RIC1: variants seen among roughly 807,000 people sequenced by gnomAD.
The protein encoded by RIC1 is RIC1 partner of RAB6A GEF complex.
RIC1 carries 88 observed loss-of-function variants against 169.0 expected under a neutral mutation model. That is an observed-to-expected ratio of 0.52 (90% CI 0.44 to 0.62). The LOEUF is 0.62. Ranked by LOEUF, RIC1 falls within the 20% of genes least tolerant of loss-of-function variation. The pLI, the probability that RIC1 is intolerant of heterozygous loss-of-function variation, is 0.00. For synonymous variants in RIC1, 790 were observed against 601.5 expected, an observed-to-expected ratio of 1.31 and a Z score of -4.59; for missense variants, 1,877 against 1,725.5, an observed-to-expected ratio of 1.09 and a Z score of -1.56.
intron 1 of RIC1, among the ~76,000 whole-genome samples, chr9:5,648,018 T>C (rs2130376207): frequency 6.6e-6 from 1 of 151,784 alleles, no homozygotes; most frequent in South Asian, 2.1e-4. Flanking sequence ...TTTCTTGCTC[T>C]GTTGCCCAGG....
intron 17 of RIC1, among the ~76,000 whole-genome samples, chr9:5,762,015 T>C (rs924585242): frequency 6.6e-6 from 1 of 152,190 alleles, no homozygotes; most frequent in African/African-American, 2.4e-5. Flanking sequence ...TTCCTGCTGC[T>C]CTTTTACCTG....
chr9:5,720,774 G>A, intron 6 of RIC1, 24 bp downstream of exon 6: 1 of 1,553,530 alleles, frequency 6.4e-7, no homozygotes, highest in Non-Finnish European at 8.7e-7. Context: ...ACTTTGAAGG[G>A]TTTTTTGTTA....
downstream of RIC1, among the ~76,000 whole-genome samples, chr9:5,778,402 G>T (rs540975856): frequency 6.4e-4 from 98 of 152,214 alleles, no homozygotes; most frequent in Non-Finnish European, 1.2e-3. Context: ...CCTGCCAAAC[G>T]GTCCTGGCTA....
intron 2 of RIC1, among the ~76,000 whole-genome samples, chr9:5,671,268 A>T (rs907964299): frequency 1.1e-4 from 16 of 148,380 alleles, no homozygotes; most frequent in East Asian, 7.8e-4. Flanking sequence ...TATTATTATT[A>T]TTATTATTTT....
At chr9:5,696,630 A>G (rs1821923694) in intron 3 of RIC1, among the ~76,000 whole-genome samples, 2 of 152,338 alleles carry the variant, frequency 1.3e-5, no homozygotes, top group South Asian at 4.1e-4. Flanking sequence ...AGAGATCTAT[A>G]AAGATAAAAA....
At position 5,745,926 on chromosome 9, in the gene RIC1, C is replaced by CT. The variant is rs1294706282; in HGVS notation, c.1096-4dup. ...ACTTTTTTTCTCCCTCCTCTTCTCT[C>CT]TAAGAGCTGGGGTGCAGAAGGCTAT... On this transcript the variant is annotated splice_polypyrimidine_tract_variant and splice_region_variant and intron_variant, in intron 10 of 25. Coordinates refer to ENST00000414202, the MANE Select transcript of RIC1 (RefSeq NM_020829.4). 3 of 1,610,546 alleles carry CT rather than the reference C, an allele frequency of 1.9e-6. No homozygotes were observed. Among genetic ancestry groups the CT allele is most frequent in the South Asian group, 1.1e-5 (1 of 90,806 alleles).
At chr9:5,768,941 C>T (rs199509526) in intron 21 of RIC1, 29 bp from the exon 22 acceptor site, 1 of 1,579,674 alleles carries the variant, frequency 6.3e-7, no homozygotes, top group Non-Finnish European at 8.6e-7. Context: ...AAAGATTATT[C>T]TGTAGCTTTC....
chr9:5,727,620 C>G (rs1424933052), intron 6 of RIC1, among the ~76,000 whole-genome samples: 1 of 152,216 alleles, frequency 6.6e-6, no homozygotes, highest in East Asian at 1.9e-4. Flanking sequence ...TGAAGAGGTG[C>G]TCTGATTTTT....
intron 7 of RIC1, among the ~76,000 whole-genome samples, chr9:5,735,175 C>G (rs1824624249): frequency 6.6e-6 from 1 of 151,678 alleles, no homozygotes; most frequent in Admixed American, 6.6e-5. Flanking sequence ...TATAGAATAT[C>G]CTGCATCCTA....
At chr9:5,756,136 CA>C (rs1266833199) in intron 15 of RIC1, 75 bp from the exon 16 acceptor site, 59 of 785,178 alleles carry the variant, frequency 7.5e-5, no homozygotes, top group Admixed American at 6.0e-4. Context: ...AAGTTAAAAA[CA>C]GCATGTTTAA....
chr9:5,771,419 ATTC>A (rs1195936318), intron 23 of RIC1, among the ~76,000 whole-genome samples: 2 of 152,094 alleles, frequency 1.3e-5, no homozygotes, highest in Admixed American at 6.6e-5. Context: ...CGTTTTGTGT[ATTC>A]TTCTGATGAT....
chr9:5,695,830 C>G (rs919778643), intron 3 of RIC1, among the ~76,000 whole-genome samples: 1 of 152,070 alleles, frequency 6.6e-6, no homozygotes, highest in Non-Finnish European at 1.5e-5. Flanking sequence ...CTCGGCCTCC[C>G]AAAGTGCTGG....
intron 6 of RIC1, 102 bp downstream of exon 6, chr9:5,720,852 G>A: frequency 9.1e-7 from 1 of 1,093,912 alleles, no homozygotes; most frequent in Non-Finnish European, 1.3e-6. Flanking sequence ...AAGATTTTAA[G>A]GGTTGTTAAT....
chr9:5,700,421 A>G (rs915250351), intron 3 of RIC1, among the ~76,000 whole-genome samples: 3 of 152,162 alleles, frequency 2.0e-5, no homozygotes, highest in Non-Finnish European at 4.4e-5. Flanking sequence ...TTGGATTAAA[A>G]ATATTCAATT....
intron 6 of RIC1, among the ~76,000 whole-genome samples, chr9:5,728,780 C>T (rs760804279): frequency 3.9e-5 from 6 of 152,306 alleles, no homozygotes; most frequent in South Asian, 4.1e-4. Context: ...GGCCTTCTGT[C>T]ATAATTATCC....
At chr9:5,683,261 C>T (rs1240627454) in intron 2 of RIC1, among the ~76,000 whole-genome samples, 1 of 152,132 alleles carries the variant, frequency 6.6e-6, no homozygotes, top group Admixed American at 6.6e-5. Context: ...TCTGTTTTTT[C>T]CCCGTCTTTG....
chr9:5,760,744 A>G (rs1214834354), intron 17 of RIC1, among the ~76,000 whole-genome samples: 1 of 152,128 alleles, frequency 6.6e-6, no homozygotes, highest in African/African-American at 2.4e-5. Context: ...TCATTTCTTT[A>G]TACATAATCC....
At chr9:5,653,333 CTT>C (rs1365739301) in intron 1 of RIC1, among the ~76,000 whole-genome samples, 3 of 151,932 alleles carry the variant, frequency 2.0e-5, no homozygotes, top group African/African-American at 7.3e-5. Context: ...ACTACTTTAG[CTT>C]TATAGTAAGT....
At chr9:5,713,722 A>G (rs1823069031) in intron 3 of RIC1, 174 bp from the exon 4 acceptor site, 1 of 406,178 alleles carries the variant, frequency 2.5e-6, no homozygotes, top group Non-Finnish European at 4.5e-6. Context: ...CCAATTGATA[A>G]GTAGATAATG....
Sources: gnomAD v4.1 joint callset for allele counts (sites outside exome capture counted in the v4.1 genomes callset) on GRCh38, gnomAD v4.1.1 for gene constraint, MANE v1.5 for transcripts, NCBI Gene and HGNC (gene_info 2026-07-23, HGNC 2026-07-21) for gene names.